AGAP1: variants seen among roughly 807,000 people sequenced by gnomAD.
AGAP1 encodes the protein ArfGAP with GTPase domain, ankyrin repeat and PH domain 1, also known as arf-GAP with GTPase, ANK repeat and PH domain-containing protein 1.
A neutral mutation model predicts 105.3 loss-of-function variants in AGAP1; 29 were observed. The observed-to-expected ratio is 0.28, with a 90% CI of 0.21 to 0.38. The LOEUF is 0.38. Among genes scored for constraint, AGAP1 ranks in the 10% least tolerant of loss-of-function variants. The pLI is 1.00. For synonymous variants in AGAP1, 509 were observed against 485.9 expected (o/e 1.05, Z -0.63); for missense variants, 998 against 1,165.1 (o/e 0.86, Z 2.09).
chr2:235,615,387 C>G lies in AGAP1; in HGVS notation c.164-93792C>G, dbSNP rs1946275748. 6.6e-6 allele frequency among the ~76,000 whole-genome samples: 1 copy of G among 152,194 alleles called. No homozygotes were observed. The highest frequency in any genetic ancestry group is 6.5e-5 in the Admixed American group (1 of 15,276). On this transcript the variant is annotated intron_variant, in intron 1 of 17. Transcript: ENST00000304032. The surrounding 1 kb of genome is among the most constrained non-coding windows in gnomAD (Gnocchi z 5.0). The stretch of plus-strand genomic sequence containing the variant: ...TTACAATTGGAGTGATCTCATATGA[C>G]CAAAAGTTGGAATGATCCCATTCTT...
At chr2:236,081,268 C>G (rs1431010316) in intron 16 of AGAP1, among the ~76,000 whole-genome samples, 1 of 152,076 alleles carries the variant, frequency 6.6e-6, no homozygotes, top group African/African-American at 2.4e-5. Context: ...TGTCCTGCCA[C>G]AACACTGACC....
chr2:235,574,899 G>A lies in AGAP1; in HGVS notation c.163+80050G>A, dbSNP rs985670106. Among the ~76,000 whole-genome samples the A allele has an allele frequency of 1.3e-5, 2 of 152,174 alleles. No homozygotes were observed. Among genetic ancestry groups the A allele is most frequent in the African/African-American group, 4.8e-5 (2 of 41,432 alleles). On this transcript the variant is annotated intron_variant, in intron 1 of 17. Transcript: ENST00000304032. The surrounding 1 kb of genome is among the most constrained non-coding windows in gnomAD (Gnocchi z 5.0). ...GCACTTAGGGAGGCCGAGGCAAATGGATCACTTGAGCTCAGGAGTTCGACA... is the reference window on the plus strand; with the variant it reads ...GCACTTAGGGAGGCCGAGGCAAATGAATCACTTGAGCTCAGGAGTTCGACA...
chr2:235,873,550 G>A (rs927252435), intron 9 of AGAP1, among the ~76,000 whole-genome samples: 1 of 151,836 alleles, frequency 6.6e-6, no homozygotes, highest in African/African-American at 2.4e-5. Flanking sequence ...ACTCTCTGAC[G>A]TCAAAGATCT....
rs2059353970 is a variant in AGAP1, at chr2:236,101,830, T to C, written c.2115-18362T>C. The stretch of plus-strand genomic sequence containing the variant: ...CGGGCTCCCTCTCACTGGGTACACA[T>C]TTATCGGGATTTATGCTTTAAAACA... On this transcript the variant is annotated intron_variant, in intron 16 of 17. Coordinates refer to ENST00000304032, the MANE Select transcript of AGAP1 (RefSeq NM_001037131.3). This position sits in a 1 kb window ranked among gnomAD's most constrained non-coding sequence, Gnocchi z 4.9. 6.6e-6 allele frequency among the ~76,000 whole-genome samples: 1 copy of C among 152,202 alleles called. No homozygotes were observed.
chr2:235,558,961 G>A (rs1474022799), intron 1 of AGAP1, among the ~76,000 whole-genome samples: 3 of 151,980 alleles, frequency 2.0e-5, no homozygotes, highest in Non-Finnish European at 4.4e-5. Flanking sequence ...CTCGCTGTGT[G>A]TCCTAGGCCG....
At chr2:235,853,163 A>C in intron 9 of AGAP1, 3 of 1,124,704 alleles carry the variant, frequency 2.7e-6, no homozygotes, top group Non-Finnish European at 3.3e-6. Context: ...TTTGGGTACA[A>C]GCAGTGGTAG....
At chr2:235,783,383 C>T (rs773217264) in intron 6 of AGAP1, 4 of 471,072 alleles carry the variant, frequency 8.5e-6, no homozygotes, top group African/African-American at 4.0e-5. Flanking sequence ...CATCCTTGGC[C>T]GGACCAGAGA....
At chr2:235,627,452 T>A (rs1946679460) in intron 1 of AGAP1, among the ~76,000 whole-genome samples, 1 of 152,134 alleles carries the variant, frequency 6.6e-6, no homozygotes, top group Non-Finnish European at 1.5e-5. Context: ...CTCGAACTCC[T>A]GATCTCAAGT....
In AGAP1 at chr2:235,754,763, G is replaced by C. The variant is rs971382639; in HGVS notation, c.673+4275G>C. ...AGCACCAGCTTCCCACACACTGTGC[G>C]TCTGGTCAGGGGCTAGAGGCAGATT... On this transcript the variant is annotated intron_variant, in intron 6 of 17. Transcript: ENST00000304032. This position sits in a 1 kb window ranked among gnomAD's most constrained non-coding sequence, Gnocchi z 4.6. Among the ~76,000 whole-genome samples, 12 of 152,214 alleles carry C rather than the reference G, an allele frequency of 7.9e-5. No homozygotes were observed. The highest frequency in any genetic ancestry group is 2.9e-4 in the African/African-American group (12 of 41,450).
chr2:235,811,197 A>G (rs1958118768), intron 9 of AGAP1, among the ~76,000 whole-genome samples: 1 of 152,296 alleles, frequency 6.6e-6, no homozygotes, highest in African/African-American at 2.4e-5. Flanking sequence ...GAGTACAGAT[A>G]CACAGTCATA....
intron 1 of AGAP1, among the ~76,000 whole-genome samples, chr2:235,498,372 G>A (rs1215059926): frequency 2.0e-5 from 3 of 151,478 alleles, no homozygotes; most frequent in African/African-American, 7.3e-5. Flanking sequence ...AGATTTATCT[G>A]ATCAGGTTTC....
chr2:235,776,623 G>A (rs776977222), intron 6 of AGAP1, among the ~76,000 whole-genome samples: 3 of 152,310 alleles, frequency 2.0e-5, no homozygotes, highest in East Asian at 1.9e-4. Context: ...TCTGAATGTG[G>A]CACCACCTGT....
intron 9 of AGAP1, among the ~76,000 whole-genome samples, chr2:235,881,232 C>A (rs1475483269): frequency 6.6e-6 from 1 of 152,114 alleles, no homozygotes; most frequent in African/African-American, 2.4e-5. Context: ...ATTAATTGGA[C>A]TTGAACTCAA....
intron 16 of AGAP1, chr2:236,072,347 A>G (rs1380409728): frequency 1.3e-5 from 2 of 152,256 alleles, no homozygotes; most frequent in Admixed American, 6.5e-5. Flanking sequence ...AGGCTGAGGC[A>G]GGAGAATCGC....
chr2:235,499,232 A>G (rs1941458157), intron 1 of AGAP1, among the ~76,000 whole-genome samples: 3 of 152,164 alleles, frequency 2.0e-5, no homozygotes, highest in Admixed American at 2.0e-4. Context: ...AAAGCATCCC[A>G]AGCTTGTTTC....
rs1947754637 is a variant in AGAP1 at position 235,655,884 on chromosome 2, T to A, written c.164-53295T>A. Among the ~76,000 whole-genome samples, 1 of 152,210 alleles carries A rather than the reference T, an allele frequency of 6.6e-6. No homozygotes were observed. Among genetic ancestry groups the A allele is most frequent in the South Asian group, 2.1e-4 (1 of 4,816 alleles). On this transcript the variant is annotated intron_variant, in intron 1 of 17. Coordinates refer to ENST00000304032, the MANE Select transcript of AGAP1 (RefSeq NM_001037131.3). This position sits in a 1 kb window ranked among gnomAD's most constrained non-coding sequence, Gnocchi z 4.3. ...CTGGGGAAGAATCTTTGTTGGAATA[T>A]GACCCTGGGTTTTGTATGGAAAAGG...
intron 1 of AGAP1, among the ~76,000 whole-genome samples, chr2:235,584,179 C>A (rs1018470238): frequency 6.8e-6 from 1 of 147,046 alleles, no homozygotes; most frequent in Non-Finnish European, 1.5e-5. Flanking sequence ...TGAAGCATGA[C>A]CCTCAATAAA....
chr2:235,711,816 C>T (rs1015713544), intron 2 of AGAP1, among the ~76,000 whole-genome samples: 1 of 152,154 alleles, frequency 6.6e-6, no homozygotes, highest in African/African-American at 2.4e-5. Flanking sequence ...CTAGCGCAGC[C>T]CCCCCAGGAC....
In AGAP1 at chr2:236,038,193, A is replaced by G. The variant is rs2057438683; in HGVS notation, c.1800+1478A>G. On this transcript the variant is annotated intron_variant, in intron 14 of 17. Coordinates refer to ENST00000304032, the MANE Select transcript of AGAP1 (RefSeq NM_001037131.3). This position sits in a 1 kb window ranked among gnomAD's most constrained non-coding sequence, Gnocchi z 4.5. Reference sequence around the variant, plus strand: ...ATGCATCCATGATGTGCCTCCTGAAACGAGCACAGGGTGCTTTGGGGCCAC... The same window carrying G: ...ATGCATCCATGATGTGCCTCCTGAAGCGAGCACAGGGTGCTTTGGGGCCAC... Among the ~76,000 whole-genome samples, 1 of 152,162 alleles carries G rather than the reference A, an allele frequency of 6.6e-6. No individual in the cohort carries two copies. The highest frequency in any genetic ancestry group is 6.5e-5 in the Admixed American group (1 of 15,278).
Sources: allele counts gnomAD v4.1 joint callset (sites outside exome capture counted in the v4.1 genomes callset), GRCh38; gene constraint gnomAD v4.1.1; non-coding constraint Gnocchi (gnomAD v3.1); transcripts MANE v1.5; gene names NCBI Gene and HGNC (gene_info 2026-07-23, HGNC 2026-07-21).